Variants in NAALADL1 observed in about 807,000 individuals in gnomAD.
NAALADL1 encodes the protein N-acetylated alpha-linked acidic dipeptidase like 1.
Under a neutral mutation model 82.8 loss-of-function variants are expected in NAALADL1, and 77 were observed. The ratio of observed to expected loss-of-function variants is 0.93; its 90% CI spans 0.77 to 1.12. NAALADL1 has a LOEUF of 1.12. NAALADL1 is among the 50% of genes most tolerant of loss of function. The probability of loss-of-function intolerance (pLI) is 0.00; values close to 1 mark genes in which losing one functional copy is unlikely to be tolerated. For synonymous variants in NAALADL1, 358 were observed against 399.2 expected, an observed-to-expected ratio of 0.90 and a Z score of 1.23; for missense variants, 956 against 964.0, an observed-to-expected ratio of 0.99 and a Z score of 0.11.
In NAALADL1 at chr11:65,054,295, C is replaced by A. The variant is rs1419290505; in HGVS notation, c.947G>T (p.Arg316Met). The A allele has an allele frequency of 6.2e-7, 1 of 1,614,166 alleles. No homozygotes were observed. The highest frequency in any genetic ancestry group is 1.3e-5 in the African/African-American group (1 of 75,044). ...GTCAGGCCGGAAGCCGGGACCCAACCTGTAGTGGCAGCCCAGTGCTCCCTG... is the reference window on the plus strand; with the variant it reads ...GTCAGGCCGGAAGCCGGGACCCAACATGTAGTGGCAGCCCAGTGCTCCCTG... ...TWQGALGCHY[R>M]LGPGFRPDGD... The change falls in exon 6 of 18, where the codon AGG (arginine) becomes ATG (methionine). Residue 316 changes from arginine to methionine, a missense_variant. Coordinates refer to ENST00000358658, the MANE Select transcript of NAALADL1 (RefSeq NM_005468.3). This position sits in a 1 kb window ranked among gnomAD's most constrained non-coding sequence, Gnocchi z 4.3.
At position 65,046,342 on chromosome 11, in the gene NAALADL1, C is replaced by T. The variant is rs759179845; in HGVS notation, c.1702G>A (p.Val568Met). 6.2e-7 allele frequency: 1 copy of T among 1,614,242 alleles called. No homozygotes were observed. Among genetic ancestry groups the T allele is most frequent in the Admixed American group, 1.7e-5 (1 of 60,026 alleles). The stretch of plus-strand genomic sequence containing the variant: ...ATCACACTCCCCGCTGTCCGGGCCA[C>T]AGCCTGATGGCTGCTGAAGCCTGCG... Reference protein sequence around the residue: ...LDPGFSSHQAVARTAGSVILR... With the variant: ...LDPGFSSHQAMARTAGSVILR... The change falls in exon 15 of 18, where the codon GTG becomes ATG. Residue 568 changes from valine to methionine, a missense_variant. Physicochemically the swap from Val to Met is conservative, Grantham distance 21 (BLOSUM62 1). Coordinates refer to ENST00000358658, the MANE Select transcript of NAALADL1 (RefSeq NM_005468.3).
chr11:65,046,320 A>T lies in NAALADL1; in HGVS notation c.1724T>A (p.Val575Glu). The T allele has an allele frequency of 1.9e-6, 3 of 1,614,118 alleles. No homozygotes were observed. Among genetic ancestry groups the T allele is most frequent in the Non-Finnish European group, 2.5e-6 (3 of 1,180,030 alleles). Residue 575 changes from valine to glutamate, a missense_variant, in exon 15 of 18, where the codon GTG (valine) becomes GAG (glutamate). Physicochemically the swap from Val to Glu is moderately radical, Grantham distance 121 (BLOSUM62 -2). Coordinates refer to ENST00000358658, the MANE Select transcript of NAALADL1 (RefSeq NM_005468.3). ...HQAVARTAGS[V>E]ILRLSDSFFL... ...GAAGCTGTCACTGAGCCGGAGAATC[A>T]CACTCCCCGCTGTCCGGGCCACAGC...
Position 65,058,298 on chromosome 11 carries a change from C to A in NAALADL1, c.185+39G>T, listed in dbSNP as rs750246917. 7 of 1,613,786 alleles carry A rather than the reference C, an allele frequency of 4.3e-6. No individual in the cohort carries two copies. In the African/African-American group the frequency reaches 8.0e-5, roughly 18 times the overall value. ...GGCAGGGCCAGCATCAGGGAGGGGG[C>A]CTCTGGCAAACGGAGGAGCAGATGG... On this transcript the variant is annotated intron_variant, in intron 1 of 17. Coordinates refer to ENST00000358658, the MANE Select transcript of NAALADL1 (RefSeq NM_005468.3).
upstream of NAALADL1, among the ~76,000 whole-genome samples, chr11:65,060,597 A>T (rs1445062418): frequency 6.6e-6 from 1 of 152,136 alleles, no homozygotes; most frequent in African/African-American, 2.4e-5. Context: ...AAAGTGTGTG[A>T]CATCTGAGTG....
intron 8 of NAALADL1, among the ~76,000 whole-genome samples, chr11:65,052,873 C>G (rs1946925684): frequency 6.6e-6 from 1 of 152,254 alleles, no homozygotes; most frequent in Admixed American, 6.5e-5. Context: ...CAAAGGCACA[C>G]AAGACATTAG....
chr11:65,056,581 T>C (rs1394251185), intron 4 of NAALADL1, among the ~76,000 whole-genome samples: 2 of 151,832 alleles, frequency 1.3e-5, no homozygotes, highest in African/African-American at 4.8e-5. Context: ...TGTTTTTTTG[T>C]ATTTTAGTAG....
Position 65,058,439 on chromosome 11 carries a change from ATGGCAAAG to A in NAALADL1, c.75_82del (p.Phe26ProfsTer49), listed in dbSNP as rs1947109249. The A allele has an allele frequency of 1.9e-6, 3 of 1,613,988 alleles. No homozygotes were observed. On this transcript the variant is annotated frameshift_variant, in exon 1 of 18. Coordinates refer to ENST00000358658, the MANE Select transcript of NAALADL1 (RefSeq NM_005468.3). LOFTEE classifies it high-confidence loss of function. ...GGCCAGTGAGTTGGCTTTTTTGGGG[ATGGCAAAG>A]TGGCCGAGGATGATCCCCAGCCCCA...
rs184027906 is a variant in NAALADL1, at chr11:65,052,156, C to T, written c.1198+1062G>A. ...GTCGAGTCGCTTAGACCACAGCCCT[C>T]GACTTGTCCTCCCTCTTGCCCCTGG... On this transcript the variant is annotated intron_variant, in intron 8 of 17. Coordinates refer to ENST00000358658, the MANE Select transcript of NAALADL1 (RefSeq NM_005468.3). 2.0e-3 allele frequency among the ~76,000 whole-genome samples: 300 copies of T among 152,286 alleles called. 2 individuals carry two copies. Among genetic ancestry groups the T allele is most frequent in the African/African-American group, 5.6e-3 (234 of 41,560 alleles).
rs755770536 is a variant in NAALADL1 at position 65,057,492 on chromosome 11, C to T, written c.482G>A (p.Gly161Asp). The change falls in exon 4 of 18, where the codon GGC becomes GAC. Residue 161 changes from glycine (G) to aspartate (D), a missense_variant and splice_region_variant. Physicochemically the swap from Gly to Asp is moderately conservative, Grantham distance 94. Coordinates refer to ENST00000358658, the MANE Select transcript of NAALADL1 (RefSeq NM_005468.3). ...GCCCCGGTTGGCATAGACGAGGAGG[C>T]CCTAGTCCCAAGAGGGGGTGATCCT... is the stretch of plus-strand genomic sequence containing the variant. The part of the protein sequence containing the change: ...AAYAPSGTPQ[G>D]LLVYANRGAE... 22 of 1,612,250 alleles carry T rather than the reference C, an allele frequency of 1.4e-5. No individual in the cohort carries two copies. The highest frequency in any genetic ancestry group is 2.7e-5 in the African/African-American group (2 of 74,890).
rs117185469 is a variant in NAALADL1 at position 65,047,009 on chromosome 11, G to A, written c.1599+466C>T. On this transcript the variant is annotated intron_variant, in intron 13 of 17. Transcript: ENST00000358658. ...CCGCCCCTACATTTTAAGATCTTTG[G>A]AAACAGAATGCTTCTCACAGGCAAT... is the stretch of plus-strand genomic sequence containing the variant. Among the ~76,000 whole-genome samples, 909 of 140,730 alleles carry A rather than the reference G, an allele frequency of 6.5e-3. 3 individuals are homozygous for A. The highest frequency in any genetic ancestry group is 0.012 in the Admixed American group (156 of 13,150). The allele number at this position is 140,730 out of a possible 152,430, so 92.3% of individuals were successfully genotyped here.
At position 65,054,557 on chromosome 11, in the gene NAALADL1, G is replaced by A; in HGVS notation, c.785C>T (p.Pro262Leu). The change falls in exon 5 of 18, where the codon CCA becomes CTA. Residue 262 changes from proline (P) to leucine (L), a missense_variant. Physicochemically the swap from Pro to Leu is moderately conservative, Grantham distance 98 (BLOSUM62 -3). Coordinates refer to ENST00000358658, the MANE Select transcript of NAALADL1 (RefSeq NM_005468.3). This position sits in a 1 kb window ranked among gnomAD's most constrained non-coding sequence, Gnocchi z 4.3. ...YFGDPLTPYL[P>L]AVPSSFRVDL... Reference sequence around the variant, plus strand: ...CACGCGGAAGGAAGAGGGGACGGCTGGAAGGTAGGGAGTCAGAGGGTCCCC... The same window carrying A: ...CACGCGGAAGGAAGAGGGGACGGCTAGAAGGTAGGGAGTCAGAGGGTCCCC... 2 of 1,613,880 alleles carry A rather than the reference G, an allele frequency of 1.2e-6. No individual in the cohort carries two copies. The highest frequency in any genetic ancestry group is 1.3e-5 in the African/African-American group (1 of 75,020).
chr11:65,050,216 C>T (rs1280204488), intron 8 of NAALADL1, among the ~76,000 whole-genome samples: 3 of 151,908 alleles, frequency 2.0e-5, no homozygotes, highest in East Asian at 4.0e-4. Context: ...CGGTGACTCA[C>T]GCCTGTAATC....
At chr11:65,045,489 A>G (rs1055572045) in intron 17 of NAALADL1, 32 bp from the exon 18 acceptor site, 15 of 1,566,340 alleles carry the variant, frequency 9.6e-6, no homozygotes, top group Admixed American at 1.8e-5. Flanking sequence ...GATCAGGGTC[A>G]GTCAGTCAGG....
intron 13 of NAALADL1, among the ~76,000 whole-genome samples, 169 bp downstream of exon 13, chr11:65,047,306 A>C (rs2136972898): frequency 6.6e-6 from 1 of 152,160 alleles, no homozygotes; most frequent in Middle Eastern, 3.4e-3. Flanking sequence ...TCGTCTATAT[A>C]AAACGTGTGT....
rs143270171 is a variant in NAALADL1 at position 65,046,522 on chromosome 11, T to C, written c.1604A>G (p.Lys535Arg). Residue 535 changes from lysine (K) to arginine (R), a missense_variant, in exon 14 of 18, where the codon AAG (lysine) becomes AGG (arginine). Lys to Arg is a conservative substitution (Grantham distance 26). Coordinates refer to ENST00000358658, the MANE Select transcript of NAALADL1 (RefSeq NM_005468.3). ...MDIAYTYDRS[K>R]TSARIYPTYH... is the part of the protein sequence containing the mutation. ...GGTGGGGTAGATCCTGGCTGAAGTC[T>C]TGCTCTGGGGGAACAAAGCCCAGAG... 2.7e-4 allele frequency: 441 copies of C among 1,614,106 alleles called. 2 individuals carry two copies. Among genetic ancestry groups the C allele is most frequent in the Middle Eastern group, 9.9e-4 (6 of 6,062 alleles).
At chr11:65,055,134 G>A (rs11231934) in intron 4 of NAALADL1, among the ~76,000 whole-genome samples, 1 of 152,220 alleles carries the variant, frequency 6.6e-6, no homozygotes, top group Non-Finnish European at 1.5e-5. Context: ...GGGTGGGGTG[G>A]CTCACGCCTG....
chr11:65,057,031 T>C (rs1027277774), intron 4 of NAALADL1, among the ~76,000 whole-genome samples: 1 of 152,214 alleles, frequency 6.6e-6, no homozygotes, highest in African/African-American at 2.4e-5. Flanking sequence ...GTCAGAATTT[T>C]TGATGGAAAA....
rs35422506 is a variant in NAALADL1, at chr11:65,058,516, C to G, written c.6G>C (p.Gln2His). The change falls in exon 1 of 18, where the codon CAG (glutamine) becomes CAC (histidine). Residue 2 changes from glutamine to histidine, a missense_variant. Coordinates refer to ENST00000358658, the MANE Select transcript of NAALADL1 (RefSeq NM_005468.3). The part of the protein sequence containing the change: M[Q>H]WTKVLGLGLG... ...GCCCCAGCCCCAACACCTTCGTCCACTGCATCCTGCGGACTCTTGGCCAGC... is the reference window on the plus strand; with the variant it reads ...GCCCCAGCCCCAACACCTTCGTCCAGTGCATCCTGCGGACTCTTGGCCAGC... 6 of 1,592,972 alleles carry G rather than the reference C, an allele frequency of 3.8e-6. No individual in the cohort carries two copies. The South Asian group carries it at 6.9e-5, about 18-fold the overall frequency.
Position 65,053,223 on chromosome 11 carries a change from T to G in NAALADL1, c.1193A>C (p.Lys398Thr), listed in dbSNP as rs12223986. 7.2e-3 allele frequency: 11,090 copies of G among 1,543,434 alleles called. 696 individuals carry two copies. In the East Asian group the frequency reaches 0.17, roughly 24 times the overall value. ...AGGGGAGGGGGCCGCCTCACCCTTC[T>G]TCAGCAGGGTCCCCAGGACACGGGA... ...ELSRVLGTLL[K>T]KGTWRPRRSI... The change falls in exon 8 of 18, where the codon AAG becomes ACG. Residue 398 changes from lysine (K) to threonine (T), a missense_variant. Coordinates refer to ENST00000358658, the MANE Select transcript of NAALADL1 (RefSeq NM_005468.3). This position sits in a 1 kb window ranked among gnomAD's most constrained non-coding sequence, Gnocchi z 4.3.
Sources: allele counts gnomAD v4.1 joint callset (sites outside exome capture counted in the v4.1 genomes callset), GRCh38; gene constraint gnomAD v4.1.1; non-coding constraint Gnocchi (gnomAD v3.1); transcripts MANE v1.5; gene names NCBI Gene and HGNC (gene_info 2026-07-23, HGNC 2026-07-21).